Variants in COMMD6 observed in about 807,000 individuals in gnomAD.
The protein encoded by COMMD6 is COMM domain containing 6, also known as COMM domain-containing protein 6.
COMMD6 carries 11 observed loss-of-function variants against 13.4 expected under a neutral mutation model. The observed-to-expected ratio is 0.82, with a 90% CI of 0.52 to 1.36. COMMD6 has a LOEUF of 1.36. Among genes scored for constraint, COMMD6 ranks in the 40% most tolerant of loss-of-function variants. The probability of loss-of-function intolerance (pLI) is 0.00; values close to 1 mark genes in which losing one functional copy is unlikely to be tolerated. For synonymous variants in COMMD6, 43 were observed against 36.5 expected (o/e 1.18, Z -0.64); for missense variants, 124 against 102.4 (o/e 1.21, Z -0.91).
chr13:75,530,104 A>C lies in COMMD6; in HGVS notation c.207+10T>G. On this transcript the variant is annotated intron_variant, in intron 3 of 3. Transcript: ENST00000682242. ...AGCTGAGCTAAAACTGGATGAGTTAAATCACAAACCTGAAACTGTGGAATC... is the reference window on the plus strand; with the variant it reads ...AGCTGAGCTAAAACTGGATGAGTTACATCACAAACCTGAAACTGTGGAATC... The C allele has an allele frequency of 1.2e-6, 2 of 1,606,226 alleles. No individual in the cohort carries two copies. The highest frequency in any genetic ancestry group is 1.7e-6 in the Non-Finnish European group (2 of 1,175,810).
rs1244202238 is a variant in COMMD6 at position 75,525,396 on chromosome 13, G to C, written c.*1193C>G. The C allele has an allele frequency of 6.6e-6, 1 of 152,258 alleles. No homozygotes were observed. The highest frequency in any genetic ancestry group is 1.9e-4 in the East Asian group (1 of 5,200). 9.4% of individuals were successfully genotyped at this position (152,258 alleles called of 1,614,324 possible). On this transcript the variant is annotated 3_prime_UTR_variant, in exon 4 of 4. Transcript: ENST00000682242. ...CAGAGGAACCTCATGCACAGTTACA[G>C]AAGGCAGGTTTGCTGTTTTAACCCA... is the stretch of plus-strand genomic sequence containing the variant.
intron 2 of COMMD6, among the ~76,000 whole-genome samples, chr13:75,535,888 G>A (rs568115429): frequency 1.0e-3 from 153 of 151,822 alleles, no homozygotes; most frequent in Non-Finnish European, 1.3e-3. Context: ...AAGATACTCC[G>A]TAATTTTTTT....
At chr13:75,533,101 T>A (rs1207020846) in intron 2 of COMMD6, among the ~76,000 whole-genome samples, 1 of 152,004 alleles carries the variant, frequency 6.6e-6, no homozygotes, top group African/African-American at 2.4e-5. Context: ...GGGCTAATTT[T>A]TTTGTATTTT....
At chr13:75,538,820 C>T (rs974276455), upstream of COMMD6, 4 of 151,758 alleles carry the variant, frequency 2.6e-5, no homozygotes, top group African/African-American at 9.7e-5. Flanking sequence ...TTAGTCTCCT[C>T]TAATCTAGAA....
intron 1 of COMMD6, among the ~76,000 whole-genome samples, chr13:75,544,866 C>T (rs1466070186): frequency 6.7e-6 from 1 of 148,634 alleles, no homozygotes; most frequent in Non-Finnish European, 1.5e-5. Flanking sequence ...GCGGAGGTTG[C>T]CATGAGCCAA....
At chr13:75,534,892 C>T (rs1401962805) in intron 2 of COMMD6, among the ~76,000 whole-genome samples, 1 of 152,128 alleles carries the variant, frequency 6.6e-6, no homozygotes, top group Non-Finnish European at 1.5e-5. Flanking sequence ...GGAGGCCTCA[C>T]TATTCAGTAT....
chr13:75,548,665 C>T (rs78774974), intron 1 of COMMD6, among the ~76,000 whole-genome samples: 3,939 of 152,272 alleles, frequency 0.026, 63 homozygotes, highest in African/African-American at 0.03. Flanking sequence ...GATGTTTCTG[C>T]ATATCTGATC....
At chr13:75,529,206 A>C (rs2030375137) in intron 3 of COMMD6, among the ~76,000 whole-genome samples, 1 of 152,134 alleles carries the variant, frequency 6.6e-6, no homozygotes, top group Non-Finnish European at 1.5e-5. Flanking sequence ...TAATGACAAA[A>C]CATCTCCAGT....
At chr13:75,547,255 A>G (rs922292442) in intron 1 of COMMD6, among the ~76,000 whole-genome samples, 6 of 151,998 alleles carry the variant, frequency 3.9e-5, no homozygotes, top group Admixed American at 1.3e-4. Flanking sequence ...TCTCGTTTCC[A>G]GTATAAGAGC....
chr13:75,537,979 A>G (rs2030744848), upstream of COMMD6: 5 of 537,368 alleles, frequency 9.3e-6, no homozygotes, highest in South Asian at 1.6e-4. Flanking sequence ...ATATCTTAGG[A>G]GACATTGAGC....
intron 2 of COMMD6, 60 bp downstream of exon 2, chr13:75,537,604 G>C: frequency 1.2e-6 from 2 of 1,612,496 alleles, no homozygotes; most frequent in Non-Finnish European, 1.7e-6. Flanking sequence ...AGGGTGGCAC[G>C]GCCTCGCGGC....
chr13:75,528,756 C>T (rs767661758), intron 3 of COMMD6, among the ~76,000 whole-genome samples: 13 of 151,570 alleles, frequency 8.6e-5, no homozygotes, highest in Non-Finnish European at 1.3e-4. Flanking sequence ...GCAGGAGCAT[C>T]GCTTGAACCC....
chr13:75,543,206 G>T (rs2030853196), upstream of COMMD6, among the ~76,000 whole-genome samples: 1 of 152,176 alleles, frequency 6.6e-6, no homozygotes. Context: ...GGCGAGGATT[G>T]AAAAATGACC....
At chr13:75,544,262 A>G (rs539492772) in intron 1 of COMMD6, among the ~76,000 whole-genome samples, 118 of 152,320 alleles carry the variant, frequency 7.7e-4, no homozygotes, top group African/African-American at 2.7e-3. Flanking sequence ...AATTTGGCCT[A>G]CTCACATGAT....
In COMMD6 at chr13:75,529,317, G is replaced by A. The variant is rs796107044; in HGVS notation, c.207+797C>T. Among the ~76,000 whole-genome samples, 7 of 152,116 alleles carry A rather than the reference G, an allele frequency of 4.6e-5. No individual in the cohort carries two copies. The East Asian group carries it at 1.2e-3, about 25-fold the overall frequency. ...GGGTGGATCACAAGGTCAGGAGATC[G>A]AGACCATCCTGGCTAACATGGTGAA... On this transcript the variant is annotated intron_variant, in intron 3 of 3. Transcript: ENST00000682242.
At chr13:75,527,445 G>T (rs536885675) in intron 3 of COMMD6, among the ~76,000 whole-genome samples, 1 of 152,210 alleles carries the variant, frequency 6.6e-6, no homozygotes, top group Non-Finnish European at 1.5e-5. Context: ...TTATCAAAAA[G>T]ATATAAATTA....
At chr13:75,548,968 G>A (rs1459211395) in intron 1 of COMMD6, among the ~76,000 whole-genome samples, 1 of 152,112 alleles carries the variant, frequency 6.6e-6, no homozygotes, top group Non-Finnish European at 1.5e-5. Context: ...CTTCTTCACA[G>A]CACCTTCCTC....
intron 2 of COMMD6, among the ~76,000 whole-genome samples, chr13:75,535,393 A>G (rs2030630366): frequency 6.6e-6 from 1 of 152,256 alleles, no homozygotes; most frequent in Non-Finnish European, 1.5e-5. Context: ...AGGCTCATCC[A>G]GACCGCCAGG....
chr13:75,530,050 T>G, intron 3 of COMMD6, 64 bp downstream of exon 3: 1 of 1,303,348 alleles, frequency 7.7e-7, no homozygotes, highest in Non-Finnish European at 1.1e-6. Context: ...AAAGATTTTA[T>G]ACATCTTTTT....
Sources: allele counts gnomAD v4.1 joint callset (sites outside exome capture counted in the v4.1 genomes callset), GRCh38; gene constraint gnomAD v4.1.1; transcripts MANE v1.5; gene names NCBI Gene and HGNC (gene_info 2026-07-23, HGNC 2026-07-21).